ATG5: variants seen among roughly 807,000 people sequenced by gnomAD.
ATG5 encodes the protein autophagy related 5.
A neutral mutation model predicts 36.5 loss-of-function variants in ATG5; 14 were observed. The ratio of observed to expected loss-of-function variants is 0.38; its 90% confidence interval spans 0.25 to 0.60. The LOEUF (loss-of-function observed/expected upper bound fraction) is 0.60, where lower values mean the gene tolerates loss of function less well. Ranked by LOEUF, ATG5 falls within the 20% of genes least tolerant of loss-of-function variation. ATG5 has a pLI of 0.60. For synonymous variants in ATG5, 95 were observed against 101.5 expected, an observed-to-expected ratio of 0.94 and a Z score of 0.38; for missense variants, 195 against 326.7, an observed-to-expected ratio of 0.60 and a Z score of 3.11.
At chr6:106,211,233 A>T (rs1038062655) in intron 6 of ATG5, among the ~76,000 whole-genome samples, 1 of 152,236 alleles carries the variant, frequency 6.6e-6, no homozygotes, top group Non-Finnish European at 1.5e-5. Flanking sequence ...TATGAAAGAG[A>T]AAAACATAAA....
At chr6:106,208,344 A>G (rs1681329119) in intron 6 of ATG5, among the ~76,000 whole-genome samples, 1 of 149,906 alleles carries the variant, frequency 6.7e-6, no homozygotes, top group Non-Finnish European at 1.5e-5. Context: ...ATTCTGACAC[A>G]TAACAATTTG....
intron 4 of ATG5, among the ~76,000 whole-genome samples, chr6:106,281,949 T>C (rs1582649153): frequency 6.6e-6 from 1 of 152,368 alleles, no homozygotes; most frequent in East Asian, 1.9e-4. Flanking sequence ...TTTTCATGTT[T>C]GTTGGTAAAT....
chr6:106,260,254 T>C (rs553625562), intron 5 of ATG5, among the ~76,000 whole-genome samples: 1 of 152,352 alleles, frequency 6.6e-6, no homozygotes, highest in South Asian at 2.1e-4. Context: ...ACTTAAAGTA[T>C]AATTTTTTAA....
chr6:106,244,803 G>T (rs1051598907), intron 6 of ATG5, among the ~76,000 whole-genome samples: 1 of 152,196 alleles, frequency 6.6e-6, no homozygotes, highest in South Asian at 2.1e-4. Flanking sequence ...CTTGTTGAAT[G>T]AATCAATGAG....
chr6:106,236,753 G>C (rs1777918647), intron 6 of ATG5, among the ~76,000 whole-genome samples: 1 of 152,130 alleles, frequency 6.6e-6, no homozygotes, highest in Non-Finnish European at 1.5e-5. Flanking sequence ...AAACACAGTG[G>C]AGACATTTTT....
chr6:106,204,546 C>T (rs67331109), intron 6 of ATG5, among the ~76,000 whole-genome samples: 1 of 152,224 alleles, frequency 6.6e-6, no homozygotes, highest in East Asian at 1.9e-4. Flanking sequence ...AATCCCCACC[C>T]GTCTAGGGAG....
At chr6:106,291,499 T>G (rs1780306180) in intron 4 of ATG5, among the ~76,000 whole-genome samples, 1 of 152,210 alleles carries the variant, frequency 6.6e-6, no homozygotes, top group African/African-American at 2.4e-5. Context: ...ACCTGATGAA[T>G]CCATTGAAAG....
intron 5 of ATG5, among the ~76,000 whole-genome samples, chr6:106,263,913 A>G (rs1014948374): frequency 6.6e-6 from 1 of 151,580 alleles, no homozygotes; most frequent in Non-Finnish European, 1.5e-5. Context: ...AATGCTGAAG[A>G]TTCAAAAAAC....
In ATG5 at chr6:106,294,679, CA is replaced by C. The variant is rs202015782; in HGVS notation, c.237-1574del. Among the ~76,000 whole-genome samples the C allele has an allele frequency of 4.3e-3, 535 of 124,090 alleles. 5 individuals carry two copies. The highest frequency in any genetic ancestry group is 0.02 in the Admixed American group (239 of 11,852). 81.4% of individuals were successfully genotyped at this position (124,090 alleles called of 152,430 possible). On this transcript the variant is annotated intron_variant, in intron 3 of 7. Transcript: ENST00000369076. Reference sequence around the variant, plus strand: ...GAAACTCTGTCTCTACCCAAAAATACAAAAAAAAAAAAAATTAGCTGGGCAT... The same window carrying C: ...GAAACTCTGTCTCTACCCAAAAATACAAAAAAAAAAAAATTAGCTGGGCAT...
chr6:106,274,731 G>A (rs1215448928), intron 5 of ATG5, among the ~76,000 whole-genome samples: 1 of 152,198 alleles, frequency 6.6e-6, no homozygotes, highest in African/African-American at 2.4e-5. Context: ...TTTCCTGTTA[G>A]TATTAGAAAG....
At chr6:106,321,871 G>A (rs1216895910) in intron 1 of ATG5, among the ~76,000 whole-genome samples, 1 of 152,104 alleles carries the variant, frequency 6.6e-6, no homozygotes, top group Non-Finnish European at 1.5e-5. Flanking sequence ...ACCAATATTA[G>A]TACAGTTAGC....
chr6:106,303,764 T>C (rs557683765), intron 3 of ATG5, among the ~76,000 whole-genome samples: 16 of 152,236 alleles, frequency 1.1e-4, no homozygotes, highest in Middle Eastern at 6.8e-3. Flanking sequence ...CAAAAATCCA[T>C]AAATGTCATC....
At chr6:106,274,441 T>G (rs1215531553) in intron 5 of ATG5, among the ~76,000 whole-genome samples, 1 of 152,184 alleles carries the variant, frequency 6.6e-6, no homozygotes, top group Non-Finnish European at 1.5e-5. Context: ...AAATTAAAAT[T>G]AGCATTTGAA....
chr6:106,201,227 A>G (rs570581484), intron 7 of ATG5, among the ~76,000 whole-genome samples: 1 of 151,974 alleles, frequency 6.6e-6, no homozygotes, highest in East Asian at 1.9e-4. Flanking sequence ...TGAAGGGCCA[A>G]TGTGTATGTA....
intron 6 of ATG5, among the ~76,000 whole-genome samples, chr6:106,224,084 T>C (rs1777353376): frequency 6.6e-6 from 1 of 152,200 alleles, no homozygotes; most frequent in Non-Finnish European, 1.5e-5. Context: ...GAAGACTTCT[T>C]GAGGAAGGTG....
chr6:106,242,135 TACTCAC>T (rs1311828303), intron 6 of ATG5, among the ~76,000 whole-genome samples: 1 of 143,572 alleles, frequency 7.0e-6, no homozygotes, highest in African/African-American at 2.6e-5. Context: ...TATACACACA[TACTCAC>T]ACACACACAC....
chr6:106,289,392 A>C (rs1422203070), intron 4 of ATG5, among the ~76,000 whole-genome samples: 1 of 151,232 alleles, frequency 6.6e-6, no homozygotes, highest in Non-Finnish European at 1.5e-5. Flanking sequence ...AATGGAACTT[A>C]GTATATACAG....
chr6:106,235,971 T>C (rs1777888117), intron 6 of ATG5, among the ~76,000 whole-genome samples: 1 of 152,186 alleles, frequency 6.6e-6, no homozygotes, highest in South Asian at 2.1e-4. Context: ...TTCTTGTCCC[T>C]TACTGGTTGG....
chr6:106,254,532 T>C (rs1011832429), intron 5 of ATG5, among the ~76,000 whole-genome samples: 1 of 152,166 alleles, frequency 6.6e-6, no homozygotes, highest in Non-Finnish European at 1.5e-5. Flanking sequence ...AACAAGGGAA[T>C]AGCAAACAAA....
Sources: allele counts gnomAD v4.1 joint callset (sites outside exome capture counted in the v4.1 genomes callset), GRCh38; gene constraint gnomAD v4.1.1; transcripts MANE v1.5; gene names NCBI Gene and HGNC (gene_info 2026-07-23, HGNC 2026-07-21).